The following DPP10 variants were observed in gnomAD, a reference collection of about 807,000 sequenced individuals.
DPP10 encodes dipeptidyl peptidase like 10, also known as inactive dipeptidyl peptidase 10.
In DPP10, 33 loss-of-function variants were observed where a neutral mutation model predicts 120.9. The ratio of observed to expected loss-of-function variants is 0.27; its 90% confidence interval spans 0.21 to 0.37. The LOEUF (loss-of-function observed/expected upper bound fraction) is 0.37. Ranked by LOEUF, DPP10 falls within the 10% of genes least tolerant of loss-of-function variation. The pLI is 1.00. For synonymous variants in DPP10, 337 were observed against 326.1 expected (o/e 1.03, Z -0.36); for missense variants, 816 against 942.8 (o/e 0.87, Z 1.76).
At chr2:115,372,412 A>AT (rs1553566852) in intron 3 of DPP10, among the ~76,000 whole-genome samples, 1 of 151,650 alleles carries the variant, frequency 6.6e-6, no homozygotes, top group Admixed American at 6.6e-5. Context: ...AGGTAAAAAA[A>AT]GTCTCTGCAG....
At chr2:114,686,780 T>C (rs1022146569) in intron 1 of DPP10, among the ~76,000 whole-genome samples, 1 of 151,968 alleles carries the variant, frequency 6.6e-6, no homozygotes, top group Non-Finnish European at 1.5e-5. Flanking sequence ...CTTTGTCCAA[T>C]GTACAATACA....
intron 1 of DPP10, among the ~76,000 whole-genome samples, chr2:114,886,949 G>C (rs2106623514): frequency 6.6e-6 from 1 of 152,222 alleles, no homozygotes; most frequent in Non-Finnish European, 1.5e-5. Context: ...TTCTCAGGTT[G>C]CATTAATTCT....
At chr2:114,887,061 C>T (rs894490933) in intron 1 of DPP10, among the ~76,000 whole-genome samples, 2 of 152,186 alleles carry the variant, frequency 1.3e-5, no homozygotes, top group African/African-American at 4.8e-5. Flanking sequence ...TTTGTCCATT[C>T]CACCTTCATT....
At chr2:115,178,887 A>T (rs1326489418) in intron 1 of DPP10, among the ~76,000 whole-genome samples, 1 of 152,240 alleles carries the variant, frequency 6.6e-6, no homozygotes, top group Non-Finnish European at 1.5e-5. Context: ...AACTATCATA[A>T]GTTCCTCTAC....
At chr2:115,170,647 G>A (rs1011974214) in intron 1 of DPP10, among the ~76,000 whole-genome samples, 2 of 152,082 alleles carry the variant, frequency 1.3e-5, no homozygotes, top group Non-Finnish European at 1.5e-5. Context: ...AATAAATAAA[G>A]TGAACATATT....
chr2:115,528,655 T>G (rs2078277193), intron 5 of DPP10, among the ~76,000 whole-genome samples: 1 of 152,076 alleles, frequency 6.6e-6, no homozygotes, highest in South Asian at 2.1e-4. Flanking sequence ...TGTGGTCCAT[T>G]CATCCCATGT....
At chr2:114,693,573 A>G (rs1330019687) in intron 1 of DPP10, among the ~76,000 whole-genome samples, 2 of 151,738 alleles carry the variant, frequency 1.3e-5, no homozygotes, top group African/African-American at 4.8e-5. Context: ...TGATCTTCTC[A>G]TGGAGTATCC....
At chr2:115,626,394 A>G (rs1412950402) in intron 5 of DPP10, among the ~76,000 whole-genome samples, 1 of 152,084 alleles carries the variant, frequency 6.6e-6, no homozygotes, top group Non-Finnish European at 1.5e-5. Flanking sequence ...ACAAATTAAG[A>G]TTATAAATTC....
chr2:114,444,340 T>A (rs1677822587), intron 1 of DPP10, among the ~76,000 whole-genome samples: 1 of 152,186 alleles, frequency 6.6e-6, no homozygotes, highest in Admixed American at 6.6e-5. Context: ...GTGGGAAATA[T>A]GTATTGAAGC....
intron 5 of DPP10, among the ~76,000 whole-genome samples, chr2:115,586,293 CTCCAGCCTG>C (rs1336260248): frequency 1.3e-5 from 2 of 152,136 alleles, no homozygotes; most frequent in Non-Finnish European, 2.9e-5. Context: ...TGCCATTGCA[CTCCAGCCTG>C]GGCAACAGAG....
chr2:115,045,027 T>G (rs922171098), intron 1 of DPP10, among the ~76,000 whole-genome samples: 7 of 152,214 alleles, frequency 4.6e-5, no homozygotes, highest in Admixed American at 4.6e-4. Context: ...TGTTGATGGA[T>G]ACTTTGGTAG....
intron 1 of DPP10, among the ~76,000 whole-genome samples, chr2:114,719,785 T>C (rs569538637): frequency 1.3e-5 from 2 of 152,280 alleles, no homozygotes; most frequent in East Asian, 1.9e-4. Flanking sequence ...TATAAATGGC[T>C]ATATATTCTT....
chr2:114,613,203 C>G (rs971936120), intron 1 of DPP10, among the ~76,000 whole-genome samples: 2 of 152,152 alleles, frequency 1.3e-5, no homozygotes, highest in African/African-American at 2.4e-5. Context: ...ATTCTATACA[C>G]ACTCATATTA....
chr2:114,750,555 G>A lies in DPP10; in HGVS notation c.60+307717G>A, dbSNP rs964102129. ...TCACCGTGTTAGCCAAGAGGGTCTC[G>A]ATCTCCTAACCTCGTGATCCGCCCG... On this transcript the variant is annotated intron_variant, in intron 1 of 25. Transcript: ENST00000410059. Among the ~76,000 whole-genome samples the A allele has an allele frequency of 3.3e-5, 5 of 151,906 alleles. No homozygotes were observed. The South Asian group carries it at 6.2e-4, about 19-fold the overall frequency.
chr2:114,644,324 A>G (rs1695949290), intron 1 of DPP10, among the ~76,000 whole-genome samples: 1 of 149,492 alleles, frequency 6.7e-6, no homozygotes, highest in South Asian at 2.1e-4. Context: ...TACCTAATAT[A>G]GTTTCCTCTG....
In DPP10 at chr2:115,454,853, A is replaced by T. The variant is rs1369022830; in HGVS notation, c.272-44657A>T. 2.0e-5 allele frequency among the ~76,000 whole-genome samples: 3 copies of T among 151,852 alleles called. No homozygotes were observed. In the East Asian group the frequency reaches 5.8e-4, roughly 29 times the overall value. On this transcript the variant is annotated intron_variant, in intron 3 of 25. Transcript: ENST00000410059. ...AAGAGATCCATAATAAACTACTTGA[A>T]CTAATAAACAAATTTACCAATGTCA...
At chr2:115,126,608 T>C (rs2050096597) in intron 1 of DPP10, among the ~76,000 whole-genome samples, 1 of 152,210 alleles carries the variant, frequency 6.6e-6, no homozygotes, top group Admixed American at 6.5e-5. Flanking sequence ...ACATGAAATA[T>C]ATATATAATC....
chr2:115,271,716 G>GA (rs1022898013), intron 1 of DPP10, among the ~76,000 whole-genome samples: 12 of 152,090 alleles, frequency 7.9e-5, no homozygotes, highest in African/African-American at 2.9e-4. Context: ...TTTTAAGTAA[G>GA]AAAATATGAA....
intron 1 of DPP10, among the ~76,000 whole-genome samples, chr2:114,510,431 C>A (rs1057387368): frequency 1.3e-5 from 2 of 152,056 alleles, no homozygotes; most frequent in African/African-American, 4.8e-5. Context: ...TGGCGAAAAC[C>A]TGTCTCTACT....
Sources: allele counts gnomAD v4.1 joint callset (sites outside exome capture counted in the v4.1 genomes callset), GRCh38; gene constraint gnomAD v4.1.1; transcripts MANE v1.5; gene names NCBI Gene and HGNC (gene_info 2026-07-23, HGNC 2026-07-21).